The following DNASE1L1 variants were observed in gnomAD, a reference collection of about 807,000 sequenced individuals.
DNASE1L1 encodes deoxyribonuclease-1-like 1.
In DNASE1L1, 8 loss-of-function variants were observed where a neutral mutation model predicts 18.6. The ratio of observed to expected loss-of-function variants is 0.43; its 90% confidence interval spans 0.25 to 0.78. The LOEUF (loss-of-function observed/expected upper bound fraction) is 0.78, where lower values mean the gene tolerates loss of function less well. DNASE1L1 is among the 30% of genes least tolerant of loss of function. DNASE1L1 has a pLI of 0.23. For missense variants in DNASE1L1, 214 were observed against 258.2 expected (o/e 0.83, Z 1.17); for synonymous variants, 114 against 114.2 (o/e 1.00, Z 0.01).
At chrX:154,412,081 G>T (rs781935358), upstream of DNASE1L1, 1 of 1,210,303 alleles carries the variant, frequency 8.3e-7, no homozygotes, top group Admixed American at 2.2e-5. Context: ...CTCCTTCCCC[G>T]CCAGAGTACA....
At position 154,404,902 on chromosome X, in the gene DNASE1L1, A is replaced by G; in HGVS notation, c.237T>C (p.Ser79=). The change falls in exon 4 of 8, where the codon TCT becomes TCC. Residue 79 remains serine (S), a synonymous_variant. Transcript: ENST00000369807. ...LLRELNRFDG[S]GPYSTLSSPQ... is the part of the protein sequence containing the mutation. ...GGCTGCTCAGGGTGCTGTAGGGCCC[A>G]GAGCCATCAAATCTGCCAAGAAAAG... 1 of 1,211,435 alleles carries G rather than the reference A, an allele frequency of 8.3e-7. No individual in the cohort carries two copies. The highest frequency in any genetic ancestry group is 1.1e-6 in the Non-Finnish European group (1 of 895,225).
In DNASE1L1 at chrX:154,402,967, G is replaced by T. The variant is rs782157533; in HGVS notation, c.749C>A (p.Thr250Lys). The T allele has an allele frequency of 8.3e-7, 1 of 1,210,714 alleles. No homozygotes were observed. The highest frequency in any genetic ancestry group is 1.1e-6 in the Non-Finnish European group (1 of 895,392). ...LHTAAAFDFPTSFQLTEEEAL... is the reference protein window; with the variant it reads ...LHTAAAFDFPKSFQLTEEEAL... ...CTCCTCCTCGGTGAGCTGGAAGCTC[G>T]TGGGGAAGTCAAAGGCAGCCGCAGT... Residue 250 changes from threonine (T) to lysine (K), a missense_variant, in exon 7 of 8, where the codon ACG becomes AAG. By Grantham distance (78) the Thr-to-Lys change is moderately conservative. Transcript: ENST00000369807.
chrX:154,408,519 G>C (rs932800934), intron 1 of DNASE1L1: 1 of 111,420 alleles, frequency 9.0e-6, no homozygotes, highest in Non-Finnish European at 1.9e-5. Context: ...TCACCAGCTG[G>C]AGCCCCCCTC....
intron 1 of DNASE1L1, among the ~76,000 whole-genome samples, chrX:154,408,070 T>C: frequency 9.1e-6 from 1 of 109,683 alleles, no homozygotes; most frequent in Non-Finnish European, 1.9e-5. Context: ...GTAGCTAGGA[T>C]TACAGGCACG....
At chrX:154,403,800 T>C (rs1012807869) in intron 4 of DNASE1L1, 178 bp from the exon 5 acceptor site, 13 of 442,472 alleles carry the variant, frequency 2.9e-5, no homozygotes, top group Non-Finnish European at 5.2e-5. Flanking sequence ...AAAATTCACC[T>C]GCTTCAAGTA....
chrX:154,407,218 A>ATTTTTTTTTTT lies in DNASE1L1; in HGVS notation c.-87-1574_-87-1564dup, dbSNP rs782115573. ...TACCTCAGCCTCCCAAAGTGCTGGG[A>ATTTTTTTTTTT]TTTTTTTTTTTTTTTTTTTTTTTTT... is the stretch of plus-strand genomic sequence containing the variant. On this transcript the variant is annotated intron_variant, in intron 1 of 7. Coordinates refer to ENST00000369807, the MANE Select transcript of DNASE1L1 (RefSeq NM_001303620.2). 7.8e-5 allele frequency among the ~76,000 whole-genome samples: 2 copies of ATTTTTTTTTTT among 25,734 alleles called. 1 individual carries two copies. Among genetic ancestry groups the ATTTTTTTTTTT allele is most frequent in the Non-Finnish European group, 1.5e-4 (2 of 13,033 alleles). 22.3% of individuals were successfully genotyped at this position (25,734 alleles called of 115,157 possible).
chrX:154,405,295 A>T, intron 2 of DNASE1L1, 139 bp downstream of exon 2: 1 of 1,013,940 alleles, frequency 9.9e-7, no homozygotes, highest in Non-Finnish European at 1.3e-6. Flanking sequence ...GGCCAGCAGC[A>T]GGCAAGCGCC....
Position 154,403,308 on chromosome X carries a change from G to C in DNASE1L1, c.486C>G (p.Tyr162Ter), listed in dbSNP as rs368820912. Reference protein sequence around the residue: ...KAVEKELNALYDVFLEVSQHW... With the variant: ...KAVEKELNAL The stretch of plus-strand genomic sequence containing the variant: ...GCTGGGAGACCTCCAGAAACACATC[G>C]TAGAGGGCGTTCAGCTCCTTCTCTA... Residue 162 changes from tyrosine (Y) to a stop codon, truncating the protein, a stop_gained, in exon 6 of 8, where the codon TAC becomes TAG. Coordinates refer to ENST00000369807, the MANE Select transcript of DNASE1L1 (RefSeq NM_001303620.2). LOFTEE classifies it high-confidence loss of function. 4.1e-6 allele frequency: 5 copies of C among 1,211,382 alleles called. No individual in the cohort carries two copies. Among genetic ancestry groups the C allele is most frequent in the Non-Finnish European group, 5.6e-6 (5 of 895,364 alleles).
chrX:154,410,630 G>A (rs1455266041), upstream of DNASE1L1, among the ~76,000 whole-genome samples: 6 of 110,918 alleles, frequency 5.4e-5, no homozygotes, highest in African/African-American at 2.0e-4. Flanking sequence ...AGCACTTTGG[G>A]AGGCTGAGGT....
chrX:154,411,770 C>G, upstream of DNASE1L1: 1 of 989,711 alleles, frequency 1.0e-6, no homozygotes, highest in South Asian at 2.0e-5. Context: ...CTCGAGCGGT[C>G]GAGGTCGCAG....
chrX:154,407,218 A>AG (rs2068172217), intron 1 of DNASE1L1, among the ~76,000 whole-genome samples: 1 of 25,734 alleles, frequency 3.9e-5, no homozygotes, highest in Non-Finnish European at 7.7e-5. Context: ...AAGTGCTGGG[A>AG]TTTTTTTTTT....
At chrX:154,407,301 T>C (rs2068176208) in intron 1 of DNASE1L1, among the ~76,000 whole-genome samples, 1 of 90,298 alleles carries the variant, frequency 1.1e-5, no homozygotes, top group South Asian at 6.6e-4. Flanking sequence ...AGCAGTGGCG[T>C]GATCTCGGCT....
rs41311694 is a variant in DNASE1L1, at chrX:154,402,196, C to G, written c.*511G>C. 1,194 of 123,738 alleles carry G rather than the reference C, an allele frequency of 9.6e-3. 8 individuals are homozygous for G. The highest frequency in any genetic ancestry group is 0.036 in the Middle Eastern group (9 of 253). The allele number at this position is 123,738 out of a possible 1,213,427, so 10.2% of individuals were successfully genotyped here. A position where few individuals can be genotyped will look rare whatever the true frequency, so the allele number is the denominator to read the frequency against. On this transcript the variant is annotated 3_prime_UTR_variant, in exon 8 of 8. Coordinates refer to ENST00000369807, the MANE Select transcript of DNASE1L1 (RefSeq NM_001303620.2). ...GCATTGTTCACCGGATTATAATGAG[C>G]CAAAATGTTTCCCGGTGTTTGCTGG... is the stretch of plus-strand genomic sequence containing the variant.
chrX:154,405,307 G>A (rs1444967789), intron 2 of DNASE1L1, 127 bp downstream of exon 2: 23 of 1,062,458 alleles, frequency 2.2e-5, no homozygotes, highest in Admixed American at 6.1e-5. Context: ...GCAAGCGCCT[G>A]CGCTGCATCT....
Position 154,405,020 on chromosome X carries a change from G to A in DNASE1L1, c.199C>T (p.Pro67Ser), listed in dbSNP as rs782069083. ...CGATTGAGTTCTCGAAGCAGGAGCG[G>A]GATGGCGCTGCCGGAAGAGTCCACC... is the stretch of plus-strand genomic sequence containing the variant. ...EVVDSSGSAI[P>S]LLLRELNRFD... Residue 67 changes from proline (P) to serine (S), a missense_variant, in exon 3 of 8, where the codon CCG becomes TCG. Transcript: ENST00000369807. 3 of 1,209,534 alleles carry A rather than the reference G, an allele frequency of 2.5e-6. No homozygotes were observed. The African/African-American group carries it at 5.2e-5, about 21-fold the overall frequency.
At position 154,405,200 on chromosome X, in the gene DNASE1L1, C is replaced by A. The variant is rs1261577014; in HGVS notation, c.136-117G>T. 5 of 845,376 alleles carry A rather than the reference C, an allele frequency of 5.9e-6. No homozygotes were observed. The African/African-American group carries it at 1.0e-4, about 17-fold the overall frequency. 69.7% of individuals were successfully genotyped at this position (845,376 alleles called of 1,213,427 possible). On this transcript the variant is annotated intron_variant, in intron 2 of 7. Coordinates refer to ENST00000369807, the MANE Select transcript of DNASE1L1 (RefSeq NM_001303620.2). Reference sequence around the variant, plus strand: ...AGTGTTAAGGCTCACTGACTGCAGCCCACAGAAAGCAGTGGGACTGGAAAT... The same window carrying A: ...AGTGTTAAGGCTCACTGACTGCAGCACACAGAAAGCAGTGGGACTGGAAAT...
In DNASE1L1 at chrX:154,405,302, C is replaced by T. The variant is rs1037458131; in HGVS notation, c.135+132G>A. ...GAGACTGAGGCCAGCAGCAGGCAAG[C>T]GCCTGCGCTGCATCTCCGTGCCACA... On this transcript the variant is annotated intron_variant, in intron 2 of 7. Coordinates refer to ENST00000369807, the MANE Select transcript of DNASE1L1 (RefSeq NM_001303620.2). 4.0e-5 allele frequency: 42 copies of T among 1,038,110 alleles called. No individual in the cohort carries two copies. The Admixed American group carries it at 1.1e-3, about 28-fold the overall frequency. 85.6% of individuals were successfully genotyped at this position (1,038,110 alleles called of 1,213,427 possible).
chrX:154,405,147 C>T, intron 2 of DNASE1L1, 64 bp from the exon 3 acceptor site: 1 of 1,073,224 alleles, frequency 9.3e-7, no homozygotes, highest in Non-Finnish European at 1.3e-6. Context: ...GGCAGTGGGC[C>T]CAGGGGACTG....
rs2068070387 is a variant in DNASE1L1, at chrX:154,402,824, G to A, written c.792C>T (p.Asp264=). 1 of 1,208,725 alleles carries A rather than the reference G, an allele frequency of 8.3e-7. No individual in the cohort carries two copies. The highest frequency in any genetic ancestry group is 1.1e-6 in the Non-Finnish European group (1 of 894,099). ...LTEEEALNIS[D]HYPVEVELKL... is the part of the protein sequence containing the mutation. ...TCAGCTCCACCTCCACGGGGTAGTG[G>A]TCACTGATGTTGAGGGCCTGGGAAT... is the stretch of plus-strand genomic sequence containing the variant. The change falls in exon 8 of 8, where the codon GAC becomes GAT. Residue 264 remains aspartate, a synonymous_variant. Coordinates refer to ENST00000369807, the MANE Select transcript of DNASE1L1 (RefSeq NM_001303620.2).
Sources: allele counts gnomAD v4.1 joint callset (sites outside exome capture counted in the v4.1 genomes callset), GRCh38; gene constraint gnomAD v4.1.1; transcripts MANE v1.5; gene names NCBI Gene and HGNC (gene_info 2026-07-23, HGNC 2026-07-21).